The following PLEKHA6 variants were observed in gnomAD, a reference collection of about 807,000 sequenced individuals.
PLEKHA6 encodes pleckstrin homology domain containing A6, also known as pleckstrin homology domain-containing family A member 6.
In PLEKHA6, 60 loss-of-function variants were observed where a neutral mutation model predicts 116.7. The observed-to-expected ratio is 0.51, with a 90% CI of 0.42 to 0.64. The LOEUF (loss-of-function observed/expected upper bound fraction) is 0.64. Among genes scored for constraint, PLEKHA6 ranks in the 30% least tolerant of loss-of-function variants. The pLI is 0.00. For synonymous variants in PLEKHA6, 489 were observed against 556.1 expected, an observed-to-expected ratio of 0.88 and a Z score of 1.70; for missense variants, 1,338 against 1,422.7, an observed-to-expected ratio of 0.94 and a Z score of 0.96.
chr1:204,275,003 G>A, intron 1 of PLEKHA6, 194 bp from the exon 2 acceptor site: 1 of 863,756 alleles, frequency 1.2e-6, no homozygotes, highest in Non-Finnish European at 1.4e-6. Flanking sequence ...GGGGAAGGAA[G>A]AGATGAAGCC....
chr1:204,252,410 C>A (rs930735407), intron 9 of PLEKHA6, among the ~76,000 whole-genome samples: 1 of 151,906 alleles, frequency 6.6e-6, no homozygotes, highest in African/African-American at 2.4e-5. Context: ...CCAGAAATGC[C>A]ATCATTTCCC....
intron 1 of PLEKHA6, among the ~76,000 whole-genome samples, chr1:204,323,411 C>T (rs973001405): frequency 6.6e-6 from 1 of 152,226 alleles, no homozygotes; most frequent in South Asian, 2.1e-4. Flanking sequence ...AGCTGGTTAC[C>T]AGCTGAATCA....
At chr1:204,275,172 C>T (rs990037213) in intron 1 of PLEKHA6, among the ~76,000 whole-genome samples, 1 of 152,154 alleles carries the variant, frequency 6.6e-6, no homozygotes, top group East Asian at 1.9e-4. Context: ...CAGGTTCTCT[C>T]CCAGGGACGG....
At chr1:204,237,013 G>A (rs547525992) in intron 17 of PLEKHA6, among the ~76,000 whole-genome samples, 1 of 152,326 alleles carries the variant, frequency 6.6e-6, no homozygotes, top group Admixed American at 6.5e-5. Context: ...GGGTGACTGT[G>A]CATTGGGGAA....
chr1:204,268,761 G>A (rs536324624), intron 3 of PLEKHA6, among the ~76,000 whole-genome samples: 7 of 152,200 alleles, frequency 4.6e-5, no homozygotes, highest in African/African-American at 1.2e-4. Context: ...GCCAGGAGGA[G>A]AGACGGGTGT....
rs768770834 is a variant in PLEKHA6, at chr1:204,259,548, G to A, written c.717C>T (p.Leu239=). ...KKEPPVKANG[L]PAGPEPASEP... is the part of the protein sequence containing the mutation. ...CTGAGGCTGGCTCCGGTCCAGCTGGGAGGCCATTGGCTTTCACCGGAGGCT... is the reference window on the plus strand; with the variant it reads ...CTGAGGCTGGCTCCGGTCCAGCTGGAAGGCCATTGGCTTTCACCGGAGGCT... Residue 239 remains leucine, a synonymous_variant, in exon 8 of 23, where the codon CTC becomes CTT. Transcript: ENST00000272203. The surrounding 1 kb of genome is among the most constrained non-coding windows in gnomAD (Gnocchi z 4.6). 6.2e-7 allele frequency: 1 copy of A among 1,614,088 alleles called. No homozygotes were observed. Among genetic ancestry groups the A allele is most frequent in the South Asian group, 1.1e-5 (1 of 91,088 alleles).
In PLEKHA6 at chr1:204,267,478, T is replaced by C; in HGVS notation, c.277A>G (p.Lys93Glu). 6.2e-7 allele frequency: 1 copy of C among 1,613,716 alleles called. No individual in the cohort carries two copies. The highest frequency in any genetic ancestry group is 8.5e-7 in the Non-Finnish European group (1 of 1,179,726). Residue 93 changes from lysine (K) to glutamate (E), a missense_variant, in exon 5 of 23, where the codon AAA (lysine) becomes GAA (glutamate). Coordinates refer to ENST00000272203, the MANE Select transcript of PLEKHA6 (RefSeq NM_014935.5). ...VLVDRCLFYY[K>E]DEKEESILGS... ...CCAGTCCAAGGGCCAAGCTCACCTT[T>C]ATAGTAGAAGAGGCAGCGATCCACC...
intron 17 of PLEKHA6, among the ~76,000 whole-genome samples, chr1:204,236,110 G>T (rs934746754): frequency 6.6e-6 from 1 of 152,184 alleles, no homozygotes; most frequent in African/African-American, 2.4e-5. Flanking sequence ...GCATGGGAAT[G>T]GATATTAAGA....
At chr1:204,283,648 C>T (rs183915798) in intron 1 of PLEKHA6, among the ~76,000 whole-genome samples, 91 of 152,332 alleles carry the variant, frequency 6.0e-4, no homozygotes, top group Admixed American at 1.0e-3. Context: ...GAGCTCCCTG[C>T]CCCTAGGAAA....
At chr1:204,335,906 G>A (rs990489427) in intron 1 of PLEKHA6, among the ~76,000 whole-genome samples, 37 of 152,268 alleles carry the variant, frequency 2.4e-4, no homozygotes, top group African/African-American at 8.7e-4. Flanking sequence ...TTGATAGCCA[G>A]CAAATAATTC....
intron 1 of PLEKHA6, among the ~76,000 whole-genome samples, chr1:204,348,371 C>T (rs150601367): frequency 4.1e-4 from 62 of 152,242 alleles, no homozygotes; most frequent in African/African-American, 1.4e-3. Flanking sequence ...AGAGAATACG[C>T]CCAAACAGCA....
At chr1:204,243,333 G>A (rs1376226637) in intron 15 of PLEKHA6, 4 of 399,440 alleles carry the variant, frequency 1.0e-5, no homozygotes, top group Non-Finnish European at 1.8e-5. Flanking sequence ...AGAAAAGAGC[G>A]TTAGCAGGAG....
chr1:204,309,807 T>G (rs1671592114), intron 1 of PLEKHA6: 1 of 537,770 alleles, frequency 1.9e-6, no homozygotes, highest in Non-Finnish European at 2.4e-6. Flanking sequence ...GTCAGCAAAC[T>G]TTTTATGTAA....
In PLEKHA6 at chr1:204,277,897, G is replaced by A. The variant is rs1020860588; in HGVS notation, c.-94-3088C>T. 1.3e-5 allele frequency: 2 copies of A among 152,272 alleles called. No homozygotes were observed. Among genetic ancestry groups the A allele is most frequent in the Non-Finnish European group, 2.9e-5 (2 of 68,092 alleles). 9.4% of individuals were successfully genotyped at this position (152,272 alleles called of 1,614,324 possible). ...GCGTGGATGCTGTGGAACCAGAGCT[G>A]GTGGCTAGGATGGGGCTGCTCAGGC... is the stretch of plus-strand genomic sequence containing the variant. On this transcript the variant is annotated intron_variant, in intron 1 of 22. Coordinates refer to ENST00000272203, the MANE Select transcript of PLEKHA6 (RefSeq NM_014935.5). The surrounding 1 kb of genome is among the most constrained non-coding windows in gnomAD (Gnocchi z 4.1).
At chr1:204,243,125 C>T (rs1663084168) in intron 15 of PLEKHA6, 1 of 399,362 alleles carries the variant, frequency 2.5e-6, no homozygotes, top group Admixed American at 4.4e-5. Context: ...TGCCCCCTGG[C>T]TGTCTCGCCA....
chr1:204,327,114 C>T (rs1672270591), intron 1 of PLEKHA6: 3 of 577,000 alleles, frequency 5.2e-6, no homozygotes, highest in Non-Finnish European at 6.6e-6. Flanking sequence ...ATGCTTGAGT[C>T]ACAAGGCTGA....
rs532027858 is a variant in PLEKHA6 at position 204,275,283 on chromosome 1, G to A, written c.-94-474C>T. 3.9e-4 allele frequency among the ~76,000 whole-genome samples: 59 copies of A among 152,178 alleles called. 1 individual carries two copies. The South Asian group carries it at 7.3e-3, about 19-fold the overall frequency. ...CTCCTCCTTCTCCTGCTTTTGCTCCGTCTCTTTCTTAAAAGGAAATGGGAG... is the reference window on the plus strand; with the variant it reads ...CTCCTCCTTCTCCTGCTTTTGCTCCATCTCTTTCTTAAAAGGAAATGGGAG... On this transcript the variant is annotated intron_variant, in intron 1 of 22. Transcript: ENST00000272203.
At chr1:204,283,056 C>T (rs909201046) in intron 1 of PLEKHA6, among the ~76,000 whole-genome samples, 2 of 152,340 alleles carry the variant, frequency 1.3e-5, no homozygotes, top group South Asian at 2.1e-4. Context: ...ATCTCAAACC[C>T]CTGCCCTTCA....
At chr1:204,229,654 A>C (rs1412134677) in intron 18 of PLEKHA6, among the ~76,000 whole-genome samples, 1 of 152,150 alleles carries the variant, frequency 6.6e-6, no homozygotes. Context: ...GTCTCAAACA[A>C]TCTTCCCACC....
Sources: allele counts gnomAD v4.1 joint callset (sites outside exome capture counted in the v4.1 genomes callset), GRCh38; gene constraint gnomAD v4.1.1; non-coding constraint Gnocchi (gnomAD v3.1); transcripts MANE v1.5; gene names NCBI Gene and HGNC (gene_info 2026-07-23, HGNC 2026-07-21).